Variants in GMPS observed in about 807,000 individuals in gnomAD.
GMPS encodes guanosine monophosphate synthase.
Under a neutral mutation model 77.9 loss-of-function variants are expected in GMPS, and 15 were observed. That is an observed-to-expected ratio of 0.19 (90% CI 0.13 to 0.30). GMPS has a LOEUF of 0.30. Ranked by LOEUF, GMPS falls within the 10% of genes least tolerant of loss-of-function variation. The pLI, the probability that GMPS is intolerant of heterozygous loss-of-function variation, is 1.00. For missense variants in GMPS, 590 were observed against 838.8 expected (o/e 0.70, Z 3.66); for synonymous variants, 224 against 275.9 (o/e 0.81, Z 1.86).
At chr3:155,878,740 G>T (rs1487263259) in intron 1 of GMPS, among the ~76,000 whole-genome samples, 4 of 152,208 alleles carry the variant, frequency 2.6e-5, no homozygotes, top group Non-Finnish European at 4.4e-5. Flanking sequence ...TGGCTGACGC[G>T]ATTATGGAGG....
Position 155,878,727 on chromosome 3 carries a change from A to G in GMPS, c.27+7830A>G, listed in dbSNP as rs1240777261. Among the ~76,000 whole-genome samples, 6 of 152,254 alleles carry G rather than the reference A, an allele frequency of 3.9e-5. No individual in the cohort carries two copies. In the South Asian group the frequency reaches 6.2e-4, roughly 16 times the overall value. On this transcript the variant is annotated intron_variant, in intron 1 of 15. Transcript: ENST00000496455. ...TATATGAGAGGAAATTTGTTAGGGG[A>G]ATTGGCTGACGCGATTATGGAGGCT...
chr3:155,913,077 G>A (rs1231690917), intron 7 of GMPS, among the ~76,000 whole-genome samples: 9 of 152,164 alleles, frequency 5.9e-5, no homozygotes, highest in African/African-American at 2.2e-4. Flanking sequence ...TTAAGAACAG[G>A]ATTAAGTAAA....
At chr3:155,883,157 T>C (rs902860876) in intron 1 of GMPS, among the ~76,000 whole-genome samples, 8 of 152,170 alleles carry the variant, frequency 5.3e-5, no homozygotes, top group African/African-American at 1.9e-4. Flanking sequence ...CTGCAGCTTC[T>C]GCCTCCTAGG....
chr3:155,892,463 G>A (rs1479721016), intron 1 of GMPS, among the ~76,000 whole-genome samples: 1 of 151,954 alleles, frequency 6.6e-6, no homozygotes. Flanking sequence ...TTCAGTACAC[G>A]GGCAGTCTTG....
chr3:155,907,177 C>T (rs1754914789), intron 5 of GMPS, among the ~76,000 whole-genome samples: 1 of 152,090 alleles, frequency 6.6e-6, no homozygotes, highest in African/African-American at 2.4e-5. Context: ...AAGTTTTTTA[C>T]TTCATAAAAA....
At chr3:155,909,065 G>C (rs1397722224) in intron 5 of GMPS, among the ~76,000 whole-genome samples, 1 of 152,180 alleles carries the variant, frequency 6.6e-6, no homozygotes, top group East Asian at 1.9e-4. Context: ...GGTATGCTGA[G>C]AGCCAAATAA....
intron 12 of GMPS, among the ~76,000 whole-genome samples, chr3:155,931,257 C>T (rs1755608119): frequency 6.6e-6 from 1 of 151,988 alleles, no homozygotes; most frequent in African/African-American, 2.4e-5. Flanking sequence ...GATCTCTCAG[C>T]TCACTGCAAC....
chr3:155,885,681 T>TA (rs1754318805), intron 1 of GMPS, among the ~76,000 whole-genome samples: 2 of 152,358 alleles, frequency 1.3e-5, no homozygotes, highest in South Asian at 4.1e-4. Flanking sequence ...GTATTATACT[T>TA]ACTGTTTGAG....
intron 1 of GMPS, among the ~76,000 whole-genome samples, chr3:155,888,588 AT>A (rs1007994217): frequency 0.015 from 2,093 of 137,504 alleles, 34 homozygotes; most frequent in African/African-American, 0.045. Flanking sequence ...CTCCCAGCTA[AT>A]TTTTTTTTTT....
At chr3:155,933,225 G>T (rs756993946) in intron 13 of GMPS, among the ~76,000 whole-genome samples, 28 of 152,010 alleles carry the variant, frequency 1.8e-4, no homozygotes, top group Non-Finnish European at 3.4e-4. Flanking sequence ...AAGAATCTTG[G>T]TGAACTTTAG....
At chr3:155,884,067 T>C (rs552889145) in intron 1 of GMPS, among the ~76,000 whole-genome samples, 3 of 150,750 alleles carry the variant, frequency 2.0e-5, no homozygotes, top group African/African-American at 7.3e-5. Flanking sequence ...ATATTAATAA[T>C]ATATTAATAT....
chr3:155,920,598 A>G (rs532352079), intron 10 of GMPS, among the ~76,000 whole-genome samples: 13 of 150,406 alleles, frequency 8.6e-5, no homozygotes, highest in Admixed American at 2.0e-4. Context: ...AAGAAAAAAA[A>G]AAAAGAAAAG....
intron 1 of GMPS, among the ~76,000 whole-genome samples, chr3:155,872,068 A>C (rs1162492889): frequency 6.6e-6 from 1 of 152,152 alleles, no homozygotes; most frequent in Non-Finnish European, 1.5e-5. Context: ...ATTAAATTTC[A>C]TTCGGGGGGT....
At chr3:155,928,973 T>C (rs1168964337) in intron 12 of GMPS, among the ~76,000 whole-genome samples, 1 of 150,846 alleles carries the variant, frequency 6.6e-6, no homozygotes, top group African/African-American at 2.4e-5. Context: ...TCTTTGCTAT[T>C]GTGAATAATG....
chr3:155,870,597 C>CG (rs1753877973), upstream of GMPS: 1 of 402,778 alleles, frequency 2.5e-6, no homozygotes, highest in African/African-American at 2.1e-5. Context: ...CCAAGCCGAA[C>CG]GGGCTCTGGC....
At chr3:155,888,014 T>C (rs918385217) in intron 1 of GMPS, among the ~76,000 whole-genome samples, 11 of 152,146 alleles carry the variant, frequency 7.2e-5, no homozygotes, top group Non-Finnish European at 1.2e-4. Context: ...TTCAGTGTTA[T>C]GTGAGATGAT....
chr3:155,881,164 GTTTTTTTTTTTTTT>G (rs11334499), intron 1 of GMPS, among the ~76,000 whole-genome samples: 3 of 52,928 alleles, frequency 5.7e-5, no homozygotes, highest in East Asian at 5.5e-4. Context: ...TTTGATATTA[GTTTTTTTTTTTTTT>G]TTTTTTTTTT....
At chr3:155,907,113 A>G (rs1279558904) in intron 5 of GMPS, among the ~76,000 whole-genome samples, 3 of 152,370 alleles carry the variant, frequency 2.0e-5, no homozygotes, top group Non-Finnish European at 2.9e-5. Flanking sequence ...AGACATTAGC[A>G]TAATGTATGC....
At chr3:155,915,506 A>G (rs1445110223) in intron 8 of GMPS, among the ~76,000 whole-genome samples, 2 of 152,092 alleles carry the variant, frequency 1.3e-5, no homozygotes, top group Non-Finnish European at 2.9e-5. Context: ...GGTTCAAGCG[A>G]TTCTCCTGCC....
Sources: gnomAD v4.1 joint callset for allele counts (sites outside exome capture counted in the v4.1 genomes callset) on GRCh38, gnomAD v4.1.1 for gene constraint, MANE v1.5 for transcripts, NCBI Gene and HGNC (gene_info 2026-07-23, HGNC 2026-07-21) for gene names.